The following TTC27 variants were observed in gnomAD, a reference collection of about 807,000 sequenced individuals.
TTC27 encodes tetratricopeptide repeat protein 27.
In TTC27, 79 loss-of-function variants were observed where a neutral mutation model predicts 115.9. That is an observed-to-expected ratio of 0.68 (90% CI 0.57 to 0.82). The LOEUF is 0.82. Among genes scored for constraint, TTC27 ranks in the 40% least tolerant of loss-of-function variants. TTC27 has a pLI of 0.00. For synonymous variants in TTC27, 401 were observed against 356.0 expected (o/e 1.13, Z -1.42); for missense variants, 1,054 against 993.1 (o/e 1.06, Z -0.82).
chr2:32,729,725 T>A (rs1668229152), intron 10 of TTC27, among the ~76,000 whole-genome samples: 1 of 151,982 alleles, frequency 6.6e-6, no homozygotes, highest in South Asian at 2.1e-4. Flanking sequence ...CCTTTTACGT[T>A]TATTCACATC....
At chr2:32,732,571 C>T (rs564094728) in intron 10 of TTC27, among the ~76,000 whole-genome samples, 1 of 152,234 alleles carries the variant, frequency 6.6e-6, no homozygotes, top group East Asian at 1.9e-4. Flanking sequence ...TCTCCTGAGG[C>T]TTGGACTTGC....
chr2:32,776,608 T>TTTTTG lies in TTC27; in HGVS notation c.1681-1260_1681-1256dup, dbSNP rs147705703. On this transcript the variant is annotated intron_variant, in intron 13 of 19. Transcript: ENST00000317907. Reference sequence around the variant, plus strand: ...TTTTTGTTAGTTTTTTGTGTTTTTGTTTTTGTTTTGTTTTGTTTGAGATGG... The same window carrying TTTTTG: ...TTTTTGTTAGTTTTTTGTGTTTTTGTTTTTGTTTTGTTTTGTTTTGTTTGAGATGG... Among the ~76,000 whole-genome samples, 393 of 152,206 alleles carry TTTTTG rather than the reference T, an allele frequency of 2.6e-3. 1 individual carries two copies. The highest frequency in any genetic ancestry group is 9.0e-3 in the African/African-American group (372 of 41,518).
intron 10 of TTC27, among the ~76,000 whole-genome samples, chr2:32,717,006 T>C (rs74177024): frequency 1.2e-5 from 1 of 82,020 alleles, no homozygotes; most frequent in Non-Finnish European, 2.4e-5. Context: ...GATTTTTTTT[T>C]AATTTTTTTT....
At chr2:32,637,793 C>T (rs1244366400) in intron 3 of TTC27, among the ~76,000 whole-genome samples, 1 of 152,194 alleles carries the variant, frequency 6.6e-6, no homozygotes, top group African/African-American at 2.4e-5. Context: ...TCTGAGTTCT[C>T]AAGTCAGTAT....
intron 13 of TTC27, among the ~76,000 whole-genome samples, chr2:32,761,055 A>C (rs1020320593): frequency 1.3e-5 from 2 of 151,666 alleles, no homozygotes; most frequent in Admixed American, 1.3e-4. Flanking sequence ...TCTCCCCTGA[A>C]CTCGACGCCA....
intron 12 of TTC27, among the ~76,000 whole-genome samples, chr2:32,755,707 C>G (rs1313370431): frequency 6.6e-6 from 1 of 152,176 alleles, no homozygotes; most frequent in Non-Finnish European, 1.5e-5. Context: ...ATCTACCTAC[C>G]TTTGATTTTG....
chr2:32,646,035 AT>A (rs987997380), intron 4 of TTC27, among the ~76,000 whole-genome samples: 18 of 113,878 alleles, frequency 1.6e-4, no homozygotes, highest in East Asian at 2.5e-4. Context: ...TTCAATTTTA[AT>A]TTTTTTTTTT....
At chr2:32,685,092 G>A (rs541644835) in intron 9 of TTC27, among the ~76,000 whole-genome samples, 19 of 146,170 alleles carry the variant, frequency 1.3e-4, no homozygotes, top group African/African-American at 3.5e-4. Flanking sequence ...GTGCAATGGC[G>A]CAATCTTGGC....
intron 12 of TTC27, among the ~76,000 whole-genome samples, chr2:32,742,057 T>C (rs1016243607): frequency 6.6e-6 from 1 of 152,258 alleles, no homozygotes; most frequent in Non-Finnish European, 1.5e-5. Context: ...ATTCTTTATA[T>C]AATTATTTTA....
intron 12 of TTC27, among the ~76,000 whole-genome samples, chr2:32,750,478 G>A (rs931562920): frequency 7.2e-5 from 11 of 152,140 alleles, no homozygotes; most frequent in Non-Finnish European, 1.5e-4. Flanking sequence ...GAAATCAGAA[G>A]GAAAAGGGAT....
At chr2:32,748,722 G>A (rs993243542) in intron 12 of TTC27, among the ~76,000 whole-genome samples, 2 of 143,612 alleles carry the variant, frequency 1.4e-5, no homozygotes, top group East Asian at 2.0e-4. Flanking sequence ...GAGTCTTGCC[G>A]TGTTGCCCAG....
At chr2:32,780,720 G>T (rs1670147169) in intron 14 of TTC27, among the ~76,000 whole-genome samples, 1 of 152,148 alleles carries the variant, frequency 6.6e-6, no homozygotes, top group Non-Finnish European at 1.5e-5. Flanking sequence ...GATTACAGAT[G>T]TGAGCCACTG....
At chr2:32,801,023 G>A (rs1315878911) in intron 16 of TTC27, among the ~76,000 whole-genome samples, 1 of 152,178 alleles carries the variant, frequency 6.6e-6, no homozygotes, top group East Asian at 1.9e-4. Context: ...GCCAGTGAGT[G>A]GGGTACTGTA....
chr2:32,736,813 A>G lies in TTC27; in HGVS notation c.1449A>G (p.Gly483=), dbSNP rs200808703. The change falls in exon 12 of 20, where the codon GGA becomes GGG. Residue 483 remains glycine (G), a synonymous_variant. Coordinates refer to ENST00000317907, the MANE Select transcript of TTC27 (RefSeq NM_017735.5). ...VICYERAGQH[G]KAEEILRQEL... Reference sequence around the variant, plus strand: ...GTTATGAAAGAGCCGGGCAGCACGGAAAGGTATGTAATAGTCCAATTTGAT... The same window carrying G: ...GTTATGAAAGAGCCGGGCAGCACGGGAAGGTATGTAATAGTCCAATTTGAT... The G allele has an allele frequency of 1.5e-5, 24 of 1,613,632 alleles. No individual in the cohort carries two copies. The East Asian group carries it at 4.7e-4, about 31-fold the overall frequency.
At chr2:32,747,855 T>G (rs1668881242) in intron 12 of TTC27, among the ~76,000 whole-genome samples, 1 of 152,172 alleles carries the variant, frequency 6.6e-6, no homozygotes, top group South Asian at 2.1e-4. Context: ...TTCTGTAAGA[T>G]TGGTAGTAAT....
intron 12 of TTC27, among the ~76,000 whole-genome samples, chr2:32,755,283 C>T (rs1273401361): frequency 6.6e-6 from 1 of 152,208 alleles, no homozygotes; most frequent in Non-Finnish European, 1.5e-5. Context: ...TGCACTCCAG[C>T]CTGGGCACCA....
chr2:32,669,671 G>C, intron 7 of TTC27, among the ~76,000 whole-genome samples: 1 of 151,980 alleles, frequency 6.6e-6, no homozygotes, highest in Non-Finnish European at 1.5e-5. Context: ...GATCACTTGA[G>C]GTCAGGAGTT....
chr2:32,769,844 C>T (rs973853953), intron 13 of TTC27, among the ~76,000 whole-genome samples: 3 of 152,174 alleles, frequency 2.0e-5, no homozygotes, highest in Non-Finnish European at 4.4e-5. Flanking sequence ...AAGACACAGA[C>T]TCCTGCCCTC....
chr2:32,660,265 A>G (rs373038464), intron 5 of TTC27, among the ~76,000 whole-genome samples: 3 of 152,178 alleles, frequency 2.0e-5, no homozygotes, highest in East Asian at 3.9e-4. Flanking sequence ...TCTAATGACC[A>G]GTGATGATGA....
Sources: gnomAD v4.1 joint callset for allele counts (sites outside exome capture counted in the v4.1 genomes callset) on GRCh38, gnomAD v4.1.1 for gene constraint, MANE v1.5 for transcripts, NCBI Gene and HGNC (gene_info 2026-07-23, HGNC 2026-07-21) for gene names.